Variants in MBD5 observed in about 807,000 individuals in gnomAD.
MBD5 encodes methyl-CpG-binding domain protein 5.
In MBD5, 13 loss-of-function variants were observed where a neutral mutation model predicts 117.3. The ratio of observed to expected loss-of-function variants is 0.11; its 90% CI spans 0.07 to 0.18. MBD5 has a LOEUF of 0.18. Among genes scored for constraint, MBD5 ranks in the 10% least tolerant of loss-of-function variants. The pLI, the probability that MBD5 is intolerant of heterozygous loss-of-function variation, is 1.00. For missense variants in MBD5, 1,879 were observed against 2,093.8 expected, an observed-to-expected ratio of 0.90 and a Z score of 2.00; for synonymous variants, 727 against 766.4, an observed-to-expected ratio of 0.95 and a Z score of 0.85.
rs866788248 is a variant in MBD5 at position 148,422,719 on chromosome 2, C to T, written c.-556-35484C>T. ...TTAGACAAATGGCTAACTAGAATAA[C>T]CACTTTAGAGAAGAACATAAATGAC... On this transcript the variant is annotated intron_variant, in intron 4 of 13. Transcript: ENST00000642680. Among the ~76,000 whole-genome samples, 211 of 152,222 alleles carry T rather than the reference C, an allele frequency of 1.4e-3. 2 individuals are homozygous for T. The Middle Eastern group carries it at 0.024, about 17-fold the overall frequency.
intron 4 of MBD5, among the ~76,000 whole-genome samples, chr2:148,435,139 T>C (rs755674701): frequency 2.0e-5 from 3 of 152,154 alleles, no homozygotes; most frequent in Non-Finnish European, 4.4e-5. Context: ...TCCCTTTACT[T>C]TGAGCCCATG....
At chr2:148,230,042 C>T (rs901339689) in intron 2 of MBD5, among the ~76,000 whole-genome samples, 2 of 152,160 alleles carry the variant, frequency 1.3e-5, no homozygotes, top group Admixed American at 6.5e-5. Flanking sequence ...TTGCTGTAAC[C>T]ACTCCTGGGC....
rs1214178205 is a variant in MBD5, at chr2:148,431,525, G to C, written c.-556-26678G>C. Among the ~76,000 whole-genome samples, 3 of 151,624 alleles carry C rather than the reference G, an allele frequency of 2.0e-5. No homozygotes were observed. The East Asian group carries it at 5.8e-4, about 29-fold the overall frequency. On this transcript the variant is annotated intron_variant, in intron 4 of 13. Transcript: ENST00000642680. The stretch of plus-strand genomic sequence containing the variant: ...ATACTACCTGATAGGTATTTTTTCT[G>C]ATCCTCTCTCTCCCCCCACCTCCAC...
intron 5 of MBD5, among the ~76,000 whole-genome samples, 173 bp from the exon 6 acceptor site, chr2:148,462,409 C>T (rs1015105157): frequency 6.6e-6 from 1 of 151,970 alleles, no homozygotes; most frequent in Non-Finnish European, 1.5e-5. Flanking sequence ...AAAGAAAACA[C>T]AATATTGTTA....
At chr2:148,485,009 G>A (rs948660501) in intron 9 of MBD5, 5 of 152,122 alleles carry the variant, frequency 3.3e-5, no homozygotes, top group South Asian at 2.1e-4. Flanking sequence ...AATAAACTAC[G>A]AAGCATTACA....
chr2:148,159,035 T>C (rs1168315002), intron 1 of MBD5, among the ~76,000 whole-genome samples: 1 of 152,172 alleles, frequency 6.6e-6, no homozygotes, highest in African/African-American at 2.4e-5. Context: ...TTATTTCCTG[T>C]AATCTTTATA....
At chr2:148,060,162 A>AAAAAG (rs1694990271) in intron 1 of MBD5, among the ~76,000 whole-genome samples, 5 of 134,746 alleles carry the variant, frequency 3.7e-5, no homozygotes, top group African/African-American at 1.3e-4. Flanking sequence ...AAAAAAAAAA[A>AAAAAG]GCCAGGCATG....
intron 2 of MBD5, among the ~76,000 whole-genome samples, chr2:148,223,807 A>G (rs888031426): frequency 2.0e-5 from 3 of 151,814 alleles, no homozygotes; most frequent in Non-Finnish European, 4.4e-5. Flanking sequence ...TTTAAGATGA[A>G]TCTTTAGGTT....
In MBD5 at chr2:148,469,609, G is replaced by C; in HGVS notation, c.1666G>C (p.Gly556Arg). Residue 556 changes from glycine (G) to arginine (R), a missense_variant, in exon 8 of 14, where the codon GGT becomes CGT. Around this residue, in one of 4 missense-constraint regions of MBD5, gnomAD observed 1,666 missense variants for 1,792.2 expected, o/e 0.93. Transcript: ENST00000642680. ...AGSSSVKSQP[G>R]LLGMPLNQIL... ...AAGTAGTTCTGTAAAGAGTCAGCCT[G>C]GTTTGCTGGGAATGCCTTTAAATCA... The C allele has an allele frequency of 6.2e-7, 1 of 1,613,916 alleles. No individual in the cohort carries two copies. The highest frequency in any genetic ancestry group is 8.5e-7 in the Non-Finnish European group (1 of 1,179,906).
upstream of MBD5, chr2:148,021,024 C>G (rs2105505082): frequency 6.6e-6 from 1 of 152,400 alleles, no homozygotes; most frequent in African/African-American, 2.4e-5. Context: ...CAACCAGCCA[C>G]CCGTCAGAGA....
chr2:148,368,876 T>C (rs1004846451), intron 4 of MBD5, among the ~76,000 whole-genome samples: 4 of 152,174 alleles, frequency 2.6e-5, no homozygotes, highest in Admixed American at 1.3e-4. Flanking sequence ...TAAAATTTTA[T>C]ATTAGTTTCA....
At chr2:148,478,736 A>C (rs1160526218) in intron 8 of MBD5, among the ~76,000 whole-genome samples, 1 of 152,192 alleles carries the variant, frequency 6.6e-6, no homozygotes, top group African/African-American at 2.4e-5. Flanking sequence ...TGAGAAAAAG[A>C]AAGTATGCCA....
intron 4 of MBD5, among the ~76,000 whole-genome samples, chr2:148,427,764 A>G (rs978891763): frequency 6.6e-6 from 1 of 152,140 alleles, no homozygotes; most frequent in African/African-American, 2.4e-5. Flanking sequence ...CGTTGTGCAG[A>G]TGTACCCTAA....
rs574875744 is a variant in MBD5 at position 148,157,558 on chromosome 2, C to T, written c.-924-21142C>T. Among the ~76,000 whole-genome samples, 13 of 152,208 alleles carry T rather than the reference C, an allele frequency of 8.5e-5. No individual in the cohort carries two copies. The South Asian group carries it at 1.5e-3, about 17-fold the overall frequency. On this transcript the variant is annotated intron_variant, in intron 1 of 13. Transcript: ENST00000642680. ...CTTACATAGCAGCCTGCAAAGCATC[C>T]GCCATAAAAACTACTACAAATGCCT...
rs114486938 is a variant in MBD5, at chr2:148,389,416, T to A, written c.-557+47080T>A. On this transcript the variant is annotated intron_variant, in intron 4 of 13. Transcript: ENST00000642680. ...ACATAACAGTGCAGGTGTTTTTTGA[T>A]GAAATGATTTATTTTACTTTGGATA... Among the ~76,000 whole-genome samples the A allele has an allele frequency of 4.9e-3, 746 of 150,742 alleles. 11 individuals are homozygous for A. The highest frequency in any genetic ancestry group is 0.017 in the African/African-American group (716 of 41,136).
At chr2:148,237,943 T>C (rs191233039) in intron 3 of MBD5, among the ~76,000 whole-genome samples, 148 of 152,258 alleles carry the variant, frequency 9.7e-4, no homozygotes, top group African/African-American at 1.7e-3. Flanking sequence ...AAAATTTGAG[T>C]GCTAATAATA....
chr2:148,435,894 T>C (rs571765545), intron 4 of MBD5, among the ~76,000 whole-genome samples: 2 of 152,270 alleles, frequency 1.3e-5, no homozygotes, highest in South Asian at 4.1e-4. Context: ...CAAAAGGAAA[T>C]GCAATTTTGA....
chr2:148,152,717 C>A (rs1174184578), intron 1 of MBD5, among the ~76,000 whole-genome samples: 1 of 150,718 alleles, frequency 6.6e-6, no homozygotes, highest in African/African-American at 2.4e-5. Context: ...CTCTTTTGAT[C>A]TTTGTTGGTT....
intron 8 of MBD5, among the ~76,000 whole-genome samples, chr2:148,479,263 A>G (rs1681067918): frequency 6.6e-6 from 1 of 152,146 alleles, no homozygotes; most frequent in Non-Finnish European, 1.5e-5. Context: ...GTCATCCTGC[A>G]CCCATCTCCT....
Sources: allele counts gnomAD v4.1 joint callset (sites outside exome capture counted in the v4.1 genomes callset), GRCh38; gene constraint gnomAD v4.1.1; regional missense constraint gnomAD v4.1.1; transcripts MANE v1.5; gene names NCBI Gene and HGNC (gene_info 2026-07-23, HGNC 2026-07-21).